Variants in RNF150 observed in about 807,000 individuals in gnomAD.
The protein encoded by RNF150 is ring finger protein 150.
A neutral mutation model predicts 39.3 loss-of-function variants in RNF150; 24 were observed. The observed-to-expected ratio is 0.61, with a 90% CI of 0.44 to 0.86. RNF150 has a LOEUF of 0.86. Ranked by LOEUF, RNF150 falls within the 40% of genes least tolerant of loss-of-function variation. RNF150 has a pLI of 0.00. For missense variants in RNF150, 502 were observed against 587.8 expected (o/e 0.85, Z 1.51); for synonymous variants, 255 against 227.3 (o/e 1.12, Z -1.10).
At chr4:140,947,598 C>T (rs572792621) in intron 4 of RNF150, 56 bp downstream of exon 4, 29 of 1,349,262 alleles carry the variant, frequency 2.1e-5, no homozygotes, top group African/African-American at 1.0e-4. Context: ...AGGGAGGCCA[C>T]GCAGGCACGC....
intron 1 of RNF150, among the ~76,000 whole-genome samples, chr4:141,086,196 T>C (rs1274810363): frequency 1.3e-5 from 2 of 152,160 alleles, no homozygotes; most frequent in East Asian, 3.9e-4. Flanking sequence ...TTAGTAAATA[T>C]GTTGTTCAAA....
chr4:141,167,231 C>G (rs1301534567), intron 1 of RNF150, among the ~76,000 whole-genome samples: 1 of 152,088 alleles, frequency 6.6e-6, no homozygotes, highest in African/African-American at 2.4e-5. Flanking sequence ...GGAAATACAA[C>G]TTACAAGGGA....
At chr4:141,071,330 TA>T in intron 1 of RNF150, among the ~76,000 whole-genome samples, 1 of 151,388 alleles carries the variant, frequency 6.6e-6, no homozygotes, top group Non-Finnish European at 1.5e-5. Context: ...CATGTATACA[TA>T]TGTAACTAAC....
At chr4:141,021,370 T>G (rs1440242556) in intron 1 of RNF150, among the ~76,000 whole-genome samples, 1 of 152,208 alleles carries the variant, frequency 6.6e-6, no homozygotes, top group Non-Finnish European at 1.5e-5. Flanking sequence ...CTTTGTCAGT[T>G]GTACCAAACG....
chr4:140,869,072 T>C (rs889648944), intron 6 of RNF150, among the ~76,000 whole-genome samples: 35 of 152,204 alleles, frequency 2.3e-4, no homozygotes, highest in African/African-American at 8.2e-4. Flanking sequence ...GGATGTATTA[T>C]AGAGAAATAA....
intron 1 of RNF150, among the ~76,000 whole-genome samples, chr4:140,994,680 C>A: frequency 6.6e-6 from 1 of 152,132 alleles, no homozygotes; most frequent in Non-Finnish European, 1.5e-5. Context: ...TTACACATTC[C>A]CTGAGCACAG....
intron 6 of RNF150, among the ~76,000 whole-genome samples, chr4:140,907,531 T>G (rs1730432724): frequency 6.6e-6 from 1 of 152,218 alleles, no homozygotes; most frequent in Non-Finnish European, 1.5e-5. Context: ...TGACATGCAT[T>G]TGATCTACTG....
At chr4:140,909,659 A>G (rs1730517885) in intron 6 of RNF150, among the ~76,000 whole-genome samples, 1 of 152,162 alleles carries the variant, frequency 6.6e-6, no homozygotes, top group Non-Finnish European at 1.5e-5. Flanking sequence ...GTGTAGCCAT[A>G]GAAAAATTTA....
intron 1 of RNF150, among the ~76,000 whole-genome samples, chr4:141,117,925 C>T (rs1410917490): frequency 6.6e-6 from 1 of 152,272 alleles, no homozygotes; most frequent in East Asian, 1.9e-4. Flanking sequence ...GAAAGAATGC[C>T]TTGGCTTATT....
chr4:140,939,666 G>C (rs1360614616), intron 4 of RNF150, among the ~76,000 whole-genome samples: 1 of 146,724 alleles, frequency 6.8e-6, no homozygotes, highest in Non-Finnish European at 1.5e-5. Context: ...GTGTGTTTGA[G>C]TGATGACATC....
At chr4:140,976,167 A>G (rs550727227) in intron 1 of RNF150, among the ~76,000 whole-genome samples, 9 of 152,094 alleles carry the variant, frequency 5.9e-5, no homozygotes, top group Non-Finnish European at 8.8e-5. Context: ...AGCCCCATTC[A>G]TTCCACATGC....
At chr4:141,000,797 C>G (rs148932700) in intron 1 of RNF150, among the ~76,000 whole-genome samples, 2 of 152,114 alleles carry the variant, frequency 1.3e-5, no homozygotes, top group African/African-American at 2.4e-5. Flanking sequence ...AGGGAGGCCA[C>G]GTAAATGTTA....
chr4:140,912,287 A>G (rs1730636847), intron 5 of RNF150, among the ~76,000 whole-genome samples: 1 of 152,196 alleles, frequency 6.6e-6, no homozygotes, highest in South Asian at 2.1e-4. Context: ...TTCTGTCTCT[A>G]CACAAACTCA....
At chr4:140,930,054 G>C (rs971953414) in intron 4 of RNF150, among the ~76,000 whole-genome samples, 1 of 152,110 alleles carries the variant, frequency 6.6e-6, no homozygotes, top group Non-Finnish European at 1.5e-5. Flanking sequence ...CCAGCTACTT[G>C]GGAGGCTGAC....
At chr4:141,054,872 A>G (rs974368107) in intron 1 of RNF150, among the ~76,000 whole-genome samples, 2 of 152,184 alleles carry the variant, frequency 1.3e-5, no homozygotes, top group Admixed American at 1.3e-4. Context: ...TGAAACTACA[A>G]TCATACAGAG....
At chr4:140,918,080 G>A (rs1002460812) in intron 5 of RNF150, among the ~76,000 whole-genome samples, 3 of 151,864 alleles carry the variant, frequency 2.0e-5, no homozygotes, top group Admixed American at 6.6e-5. Flanking sequence ...ATGCCCACAA[G>A]AGAAAGCAGG....
intron 1 of RNF150, among the ~76,000 whole-genome samples, chr4:141,079,413 T>TA (rs1738063383): frequency 6.6e-6 from 1 of 152,220 alleles, no homozygotes; most frequent in Non-Finnish European, 1.5e-5. Context: ...GAAGAATATA[T>TA]AGTGATCAAT....
At chr4:141,055,529 A>G (rs771191607) in intron 1 of RNF150, among the ~76,000 whole-genome samples, 1 of 152,182 alleles carries the variant, frequency 6.6e-6, no homozygotes, top group Non-Finnish European at 1.5e-5. Flanking sequence ...CATAACAGAC[A>G]CTCAAATGCT....
chr4:140,864,398 C>A lies in RNF150; in HGVS notation c.*3863G>T, dbSNP rs561592942. On this transcript the variant is annotated 3_prime_UTR_variant, in exon 7 of 7. Coordinates refer to ENST00000515673, the MANE Select transcript of RNF150 (RefSeq NM_020724.2). ...GGAGGTAGCAGTTCCTAAAGGTGAC[C>A]CTAAATTATTTTGAGTGAATGCAAA... is the stretch of plus-strand genomic sequence containing the variant. The A allele has an allele frequency of 2.6e-5, 4 of 152,218 alleles. No individual in the cohort carries two copies. The highest frequency in any genetic ancestry group is 9.6e-5 in the African/African-American group (4 of 41,516). 9.4% of individuals were successfully genotyped at this position (152,218 alleles called of 1,614,324 possible).
Sources: gnomAD v4.1 joint callset for allele counts (sites outside exome capture counted in the v4.1 genomes callset) on GRCh38, gnomAD v4.1.1 for gene constraint, MANE v1.5 for transcripts, NCBI Gene and HGNC (gene_info 2026-07-23, HGNC 2026-07-21) for gene names.